Variants in ZNF716 observed in about 807,000 individuals in gnomAD.
The protein encoded by ZNF716 is zinc finger protein 716.
Under a neutral mutation model 13.4 loss-of-function variants are expected in ZNF716, and 9 were observed. The ratio of observed to expected loss-of-function variants is 0.67; its 90% CI spans 0.41 to 1.18. The LOEUF is 1.18. Among genes scored for constraint, ZNF716 ranks in the 50% most tolerant of loss-of-function variants. The pLI, the probability that ZNF716 is intolerant of heterozygous loss-of-function variation, is 0.01. For missense variants in ZNF716, 581 were observed against 576.6 expected (o/e 1.01, Z -0.08); for synonymous variants, 186 against 195.2 (o/e 0.95, Z 0.39).
chr7:57,455,748 C>T (rs1188392767), intron 1 of ZNF716, among the ~76,000 whole-genome samples: 1 of 152,122 alleles, frequency 6.6e-6, no homozygotes. Context: ...AAACTCCTGA[C>T]TTCAGGTGAT....
intron 3 of ZNF716, among the ~76,000 whole-genome samples, chr7:57,467,291 C>T (rs1789833630): frequency 6.6e-6 from 1 of 151,874 alleles, no homozygotes; most frequent in African/African-American, 2.4e-5. Flanking sequence ...ACAATAATGC[C>T]ACAGACTTTT....
chr7:57,461,132 G>A (rs1185723022), intron 1 of ZNF716, among the ~76,000 whole-genome samples: 1 of 151,614 alleles, frequency 6.6e-6, no homozygotes, highest in African/African-American at 2.4e-5. Flanking sequence ...ACAAAAATTA[G>A]CCTGGCATGG....
intron 1 of ZNF716, among the ~76,000 whole-genome samples, chr7:57,454,314 G>T (rs1380453189): frequency 3.9e-5 from 6 of 152,182 alleles, no homozygotes; most frequent in African/African-American, 1.4e-4. Context: ...TAAAATGTAA[G>T]CACCTTAAAA....
intron 1 of ZNF716, among the ~76,000 whole-genome samples, chr7:57,452,481 A>C (rs572421552): frequency 5.2e-5 from 4 of 77,272 alleles, no homozygotes; most frequent in Non-Finnish European, 2.8e-5. Flanking sequence ...CTAAAAATGC[A>C]AAAAAAAATA....
chr7:57,457,689 T>G (rs1237735852), intron 1 of ZNF716, among the ~76,000 whole-genome samples: 1 of 152,186 alleles, frequency 6.6e-6, no homozygotes, highest in East Asian at 1.9e-4. Context: ...GGAGTACATG[T>G]GCAGGTTTGT....
At position 57,472,059 on chromosome 7, in the gene ZNF716, T is replaced by G. The variant is rs182168144; in HGVS notation, c.*2110T>G. 2 of 152,300 alleles carry G rather than the reference T, an allele frequency of 1.3e-5. No homozygotes were observed. The highest frequency in any genetic ancestry group is 3.9e-4 in the East Asian group (2 of 5,184). 9.4% of individuals were successfully genotyped at this position (152,300 alleles called of 1,614,324 possible). A position where few individuals can be genotyped will look rare whatever the true frequency, so the allele number is the denominator to read the frequency against. On this transcript the variant is annotated 3_prime_UTR_variant, in exon 4 of 4. Coordinates refer to ENST00000420713, the MANE Select transcript of ZNF716 (RefSeq NM_001159279.1). ...TGAAAGTATTGGACCAATTGTTGAA[T>G]CAGAGATATGAGATTGTTTTTTATA...
intron 3 of ZNF716, among the ~76,000 whole-genome samples, chr7:57,465,290 T>C (rs1328882151): frequency 6.6e-6 from 1 of 152,152 alleles, no homozygotes; most frequent in African/African-American, 2.4e-5. Context: ...ATTTGCCAGT[T>C]ATACTTTTTT....
intron 1 of ZNF716, among the ~76,000 whole-genome samples, chr7:57,459,651 G>C (rs773017565): frequency 6.6e-6 from 1 of 152,098 alleles, no homozygotes; most frequent in Non-Finnish European, 1.5e-5. Context: ...AACTTGAGGG[G>C]TTCAAGATAC....
intron 1 of ZNF716, among the ~76,000 whole-genome samples, chr7:57,455,539 T>C (rs1457759136): frequency 7.3e-5 from 11 of 151,284 alleles, no homozygotes; most frequent in Admixed American, 6.6e-5. Flanking sequence ...TATTTAGAGA[T>C]AGAGTCTCAC....
intron 1 of ZNF716, among the ~76,000 whole-genome samples, chr7:57,453,226 C>T (rs1402529898): frequency 6.6e-6 from 1 of 152,110 alleles, no homozygotes; most frequent in East Asian, 1.9e-4. Context: ...AAAGTAATTG[C>T]ACCTGGGGAA....
At chr7:57,468,024 C>T (rs543632320) in intron 3 of ZNF716, among the ~76,000 whole-genome samples, 3 of 151,928 alleles carry the variant, frequency 2.0e-5, no homozygotes, top group Non-Finnish European at 4.4e-5. Context: ...CTACCTTTCA[C>T]GATCTTTATA....
chr7:57,454,880 G>A (rs1246971550), intron 1 of ZNF716, among the ~76,000 whole-genome samples: 17 of 152,032 alleles, frequency 1.1e-4, no homozygotes, highest in Admixed American at 6.6e-4. Context: ...AGAAACATTA[G>A]CCAGGCGTGG....
chr7:57,466,703 A>AT (rs1434418285), intron 3 of ZNF716, among the ~76,000 whole-genome samples: 1 of 152,034 alleles, frequency 6.6e-6, no homozygotes, highest in African/African-American at 2.4e-5. Context: ...GTCTCAGGCA[A>AT]TTTTTTATAG....
intron 1 of ZNF716, among the ~76,000 whole-genome samples, chr7:57,461,172 G>C (rs1293291313): frequency 1.3e-5 from 2 of 151,984 alleles, no homozygotes; most frequent in East Asian, 3.9e-4. Flanking sequence ...CAGCTACTCA[G>C]GGGCTGAGGC....
chr7:57,458,111 A>C (rs1434082416), intron 1 of ZNF716, among the ~76,000 whole-genome samples: 1 of 152,216 alleles, frequency 6.6e-6, no homozygotes, highest in Non-Finnish European at 1.5e-5. Flanking sequence ...GTGCTGTAAT[A>C]AAAATATGTG....
At chr7:57,450,887 G>A (rs531442731) in intron 1 of ZNF716, among the ~76,000 whole-genome samples, 31 of 152,264 alleles carry the variant, frequency 2.0e-4, no homozygotes, top group Non-Finnish European at 1.5e-5. Context: ...TAAATAATTG[G>A]TTTGGTACAG....
At position 57,463,101 on chromosome 7, in the gene ZNF716, C is replaced by T; in HGVS notation, c.195C>T (p.Ile65=). 6.2e-7 allele frequency: 1 copy of T among 1,610,602 alleles called. No homozygotes were observed. The highest frequency in any genetic ancestry group is 8.5e-7 in the Non-Finnish European group (1 of 1,179,922). Residue 65 remains isoleucine, a synonymous_variant, in exon 3 of 4, where the codon ATC becomes ATT. Transcript: ENST00000420713. ...LGIAVSKPDL[I]TCLEQNKEPQ... ...TTGCTGTCTCTAAGCCAGACTTGAT[C>T]ACCTGTCTGGAGCAAAATAAAGAGC...
At chr7:57,454,407 C>A (rs10281655) in intron 1 of ZNF716, among the ~76,000 whole-genome samples, 5,457 of 152,214 alleles carry the variant, frequency 0.036, 314 homozygotes, top group East Asian at 0.24. Context: ...GTGAACATCT[C>A]TGACTTGAAA....
At chr7:57,460,911 A>C (rs138141167) in intron 1 of ZNF716, among the ~76,000 whole-genome samples, 1 of 152,168 alleles carries the variant, frequency 6.6e-6, no homozygotes, top group Non-Finnish European at 1.5e-5. Context: ...TAAAATTACT[A>C]TTAAAAATTA....
Sources: gnomAD v4.1 joint callset for allele counts (sites outside exome capture counted in the v4.1 genomes callset) on GRCh38, gnomAD v4.1.1 for gene constraint, MANE v1.5 for transcripts, NCBI Gene and HGNC (gene_info 2026-07-23, HGNC 2026-07-21) for gene names.